ZFHX3: variants seen among roughly 807,000 people sequenced by gnomAD.
ZFHX3 encodes zinc finger homeobox protein 3.
A neutral mutation model predicts 279.1 loss-of-function variants in ZFHX3; 42 were observed. The observed-to-expected ratio is 0.15, with a 90% CI of 0.12 to 0.19. The LOEUF (loss-of-function observed/expected upper bound fraction) is 0.19. Ranked by LOEUF, ZFHX3 falls within the 10% of genes least tolerant of loss-of-function variation. The pLI, the probability that ZFHX3 is intolerant of heterozygous loss-of-function variation, is 1.00. For missense variants in ZFHX3, 4,981 were observed against 4,754.0 expected (o/e 1.05, Z -1.40); for synonymous variants, 2,293 against 1,957.8 (o/e 1.17, Z -4.52).
intron 1 of ZFHX3, among the ~76,000 whole-genome samples, chr16:73,866,970 G>C (rs1176761344): frequency 1.3e-5 from 2 of 152,078 alleles, no homozygotes; most frequent in Non-Finnish European, 2.9e-5. Context: ...CTTTGGGATT[G>C]CCCCTGAGGG....
At position 73,845,222 on chromosome 16, in the gene ZFHX3, A is replaced by G. The variant is rs145224784; in HGVS notation, c.-1608+46429T>C. 6.6e-5 allele frequency among the ~76,000 whole-genome samples: 10 copies of G among 152,322 alleles called. No individual in the cohort carries two copies. The East Asian group carries it at 7.7e-4, about 12-fold the overall frequency. ...TGGAGGACCTGGAACCAGGAAAAAC[A>G]AAGATTCAGAGGCGATTTGAGAGTG... On this transcript the variant is annotated intron_variant, in intron 1 of 17. Transcript: ENST00000641206.
chr16:73,554,492 C>G (rs962331582), intron 2 of ZFHX3, among the ~76,000 whole-genome samples: 1 of 152,216 alleles, frequency 6.6e-6, no homozygotes, highest in African/African-American at 2.4e-5. Flanking sequence ...CACTTAAACG[C>G]GCTGTAGACA....
chr16:73,506,166 G>T (rs72801420), intron 2 of ZFHX3, among the ~76,000 whole-genome samples: 1 of 152,182 alleles, frequency 6.6e-6, no homozygotes, highest in African/African-American at 2.4e-5. Flanking sequence ...ACTAGATCTT[G>T]CAGTCTCCTA....
At chr16:73,685,766 C>G (rs1376124429) in intron 1 of ZFHX3, among the ~76,000 whole-genome samples, 1 of 152,194 alleles carries the variant, frequency 6.6e-6, no homozygotes, top group Non-Finnish European at 1.5e-5. Flanking sequence ...TACCTCTTCC[C>G]TAAAACAACC....
chr16:73,036,272 T>C (rs1276540603), intron 1 of ZFHX3, among the ~76,000 whole-genome samples: 2 of 152,210 alleles, frequency 1.3e-5, no homozygotes, highest in Non-Finnish European at 2.9e-5. Flanking sequence ...GCCAGTCTCA[T>C]TTCTCTATGT....
chr16:73,012,274 C>G (rs929721075), intron 1 of ZFHX3, among the ~76,000 whole-genome samples: 2 of 152,196 alleles, frequency 1.3e-5, no homozygotes, highest in Admixed American at 1.3e-4. Flanking sequence ...AACCTCTGTG[C>G]TGGGAAGTGC....
At chr16:73,398,736 T>C (rs2017182246) in intron 3 of ZFHX3, among the ~76,000 whole-genome samples, 1 of 152,208 alleles carries the variant, frequency 6.6e-6, no homozygotes, top group Non-Finnish European at 1.5e-5. Context: ...AGCCGACCCA[T>C]AAGCACATCA....
intron 2 of ZFHX3, among the ~76,000 whole-genome samples, chr16:73,539,657 A>G (rs370827777): frequency 1.3e-5 from 2 of 151,954 alleles, no homozygotes; most frequent in East Asian, 1.9e-4. Flanking sequence ...AGGGCGCACA[A>G]GCAGCATTAC....
At chr16:73,362,996 T>C (rs545437357) in intron 3 of ZFHX3, among the ~76,000 whole-genome samples, 6 of 152,376 alleles carry the variant, frequency 3.9e-5, no homozygotes, top group Admixed American at 1.3e-4. Flanking sequence ...TGTAACTCAT[T>C]CCATCAAGAG....
intron 1 of ZFHX3, among the ~76,000 whole-genome samples, chr16:73,042,005 G>A (rs1212374707): frequency 6.6e-6 from 1 of 152,208 alleles, no homozygotes; most frequent in African/African-American, 2.4e-5. Context: ...GGACAAAGAT[G>A]TTGGGAAGGG....
At chr16:73,221,369 T>C (rs13331855) in intron 5 of ZFHX3, among the ~76,000 whole-genome samples, 5,890 of 152,234 alleles carry the variant, frequency 0.039, 400 homozygotes, top group African/African-American at 0.13. Context: ...TATTTTATTG[T>C]TATAGATTAT....
At chr16:73,166,124 GTAAA>G (rs1175812885) in intron 5 of ZFHX3, among the ~76,000 whole-genome samples, 1 of 152,182 alleles carries the variant, frequency 6.6e-6, no homozygotes, top group Non-Finnish European at 1.5e-5. Context: ...TTGGACCTAA[GTAAA>G]TTATTCACTC....
intron 4 of ZFHX3, among the ~76,000 whole-genome samples, chr16:72,872,114 A>T (rs1044076891): frequency 5.9e-5 from 9 of 151,518 alleles, no homozygotes; most frequent in South Asian, 4.2e-4. Flanking sequence ...CAAAAAAAAA[A>T]TTTCAAGGAA....
In ZFHX3 at chr16:72,795,502, G is replaced by C. The variant is rs751220701; in HGVS notation, c.7180C>G (p.Pro2394Ala). The C allele has an allele frequency of 1.2e-6, 2 of 1,614,164 alleles. No individual in the cohort carries two copies. Among genetic ancestry groups the C allele is most frequent in the South Asian group, 1.1e-5 (1 of 91,084 alleles). Residue 2394 changes from proline to alanine, a missense_variant, in exon 9 of 10, where the codon CCA becomes GCA. Coordinates refer to ENST00000268489, the MANE Select transcript of ZFHX3 (RefSeq NM_006885.4). Reference sequence around the variant, plus strand: ...GCTGTATTATTGGCTGATGGTGCTGGGGCGCTGTAAGCCTGTGAGGGCATC... The same window carrying C: ...GCTGTATTATTGGCTGATGGTGCTGCGGCGCTGTAAGCCTGTGAGGGCATC... The part of the protein sequence containing the change: ...TPMPSQAYSA[P>A]APSANNTASS...
chr16:73,651,588 C>G (rs1480959647), intron 2 of ZFHX3, among the ~76,000 whole-genome samples: 36 of 149,806 alleles, frequency 2.4e-4, no homozygotes, highest in African/African-American at 8.6e-4. Context: ...CTGTAATCCA[C>G]TACTTTGGGA....
At chr16:73,769,549 G>T (rs1446415228) in intron 1 of ZFHX3, among the ~76,000 whole-genome samples, 2 of 152,096 alleles carry the variant, frequency 1.3e-5, no homozygotes, top group African/African-American at 4.8e-5. Flanking sequence ...AGGAATTCCA[G>T]ATTAGGCAGT....
At chr16:73,805,135 T>A (rs1304898126) in intron 1 of ZFHX3, among the ~76,000 whole-genome samples, 5 of 152,176 alleles carry the variant, frequency 3.3e-5, no homozygotes, top group Non-Finnish European at 7.4e-5. Flanking sequence ...TTTTCATAAG[T>A]ACCTCTTTAT....
At chr16:73,619,573 G>C (rs2052338589) in intron 2 of ZFHX3, among the ~76,000 whole-genome samples, 1 of 151,516 alleles carries the variant, frequency 6.6e-6, no homozygotes, top group Non-Finnish European at 1.5e-5. Flanking sequence ...TGAACTCAGA[G>C]AGTCAATGTT....
intron 3 of ZFHX3, among the ~76,000 whole-genome samples, chr16:73,447,212 A>G (rs527465460): frequency 1.3e-5 from 2 of 151,678 alleles, no homozygotes; most frequent in African/African-American, 4.8e-5. Flanking sequence ...AAACACAAAA[A>G]CCTCTCTGCT....
Sources: gnomAD v4.1 joint callset for allele counts (sites outside exome capture counted in the v4.1 genomes callset) on GRCh38, gnomAD v4.1.1 for gene constraint, MANE v1.5 for transcripts, NCBI Gene and HGNC (gene_info 2026-07-23, HGNC 2026-07-21) for gene names.